Variants in RDX observed in about 807,000 individuals in gnomAD.
RDX encodes radixin.
A neutral mutation model predicts 83.7 loss-of-function variants in RDX; 32 were observed. The observed-to-expected ratio is 0.38, with a 90% CI of 0.29 to 0.51. The LOEUF (loss-of-function observed/expected upper bound fraction) is 0.51. Among genes scored for constraint, RDX ranks in the 20% least tolerant of loss-of-function variants. RDX has a pLI of 0.87. For synonymous variants in RDX, 229 were observed against 222.7 expected (o/e 1.03, Z -0.25); for missense variants, 600 against 689.9 (o/e 0.87, Z 1.46).
intron 3 of RDX, among the ~76,000 whole-genome samples, chr11:110,270,120 G>C (rs1860244334): frequency 6.6e-6 from 1 of 152,112 alleles, no homozygotes; most frequent in Non-Finnish European, 1.5e-5. Context: ...GTGTGCATGT[G>C]TGCGTGTGTG....
intron 14 of RDX, among the ~76,000 whole-genome samples, chr11:110,222,629 T>C (rs1864288600): frequency 6.6e-6 from 1 of 152,178 alleles, no homozygotes. Context: ...ACCTCGTCTC[T>C]ACTAAAAATA....
At chr11:110,236,341 G>A (rs1299896842) in intron 11 of RDX, 150 bp from the exon 12 acceptor site, 1 of 629,904 alleles carries the variant, frequency 1.6e-6, no homozygotes, top group Non-Finnish European at 2.8e-6. Flanking sequence ...ATCTTAAATA[G>A]CTTATTTACA....
At chr11:110,207,613 T>C (rs1863653512) in intron 14 of RDX, among the ~76,000 whole-genome samples, 1 of 151,874 alleles carries the variant, frequency 6.6e-6, no homozygotes, top group Non-Finnish European at 1.5e-5. Flanking sequence ...TAAGAATGTT[T>C]TTTACCTTTT....
intron 15 of RDX, among the ~76,000 whole-genome samples, chr11:110,176,115 TC>T (rs1862769406): frequency 6.6e-6 from 1 of 150,560 alleles, no homozygotes; most frequent in Admixed American, 6.7e-5. Flanking sequence ...AGGCAGAGTC[TC>T]GCTCTGTTGC....
chr11:110,276,611 G>T (rs1012012921), intron 2 of RDX, among the ~76,000 whole-genome samples: 2 of 152,112 alleles, frequency 1.3e-5, no homozygotes, highest in African/African-American at 2.4e-5. Flanking sequence ...CTCTATACAT[G>T]ACTATGGTTT....
At position 110,233,459 on chromosome 11, in the gene RDX, G is replaced by A. The variant is rs201761918; in HGVS notation, c.1365C>T (p.Asp455=). 1.4e-4 allele frequency: 221 copies of A among 1,614,086 alleles called. No individual in the cohort carries two copies. In the East Asian group the frequency reaches 4.8e-3, roughly 35 times the overall value. ...WQHKAFAAQE[D]LEKTKEELKT... ...TTAACTCTTCTTTGGTCTTTTCCAA[G>A]TCTTCCTGGGCTGCAAAAGCCTGAA... Residue 455 remains aspartate (D), a synonymous_variant, in exon 13 of 14, where the codon GAC becomes GAT. Transcript: ENST00000645495.
downstream of RDX, among the ~76,000 whole-genome samples, chr11:110,224,921 G>A (rs1176154624): frequency 2.0e-5 from 3 of 152,022 alleles, no homozygotes; most frequent in Non-Finnish European, 4.4e-5. Flanking sequence ...TTCAAGCAAG[G>A]TTTAGTTATT....
At chr11:110,220,878 TAAAAAAA>T (rs386374875) in intron 14 of RDX, among the ~76,000 whole-genome samples, 10 of 109,316 alleles carry the variant, frequency 9.1e-5, no homozygotes, top group African/African-American at 3.0e-4. Context: ...ACAGCCTCTG[TAAAAAAA>T]AAAAAAAAAA....
intron 8 of RDX, among the ~76,000 whole-genome samples, chr11:110,254,463 T>C (rs1266876488): frequency 6.6e-6 from 1 of 152,120 alleles, no homozygotes; most frequent in African/African-American, 2.4e-5. Flanking sequence ...CTGTAGAGTT[T>C]TTTTTAACCT....
chr11:110,273,903 T>C (rs1360450734), intron 2 of RDX, among the ~76,000 whole-genome samples: 1 of 152,234 alleles, frequency 6.6e-6, no homozygotes, highest in Non-Finnish European at 1.5e-5. Context: ...TTAATACGTA[T>C]TACTGCATTT....
Position 110,195,807 on chromosome 11 carries a change from G to C in RDX, c.*31+3774C>G, listed in dbSNP as rs549698378. 4 of 152,318 alleles carry C rather than the reference G, an allele frequency of 2.6e-5. No homozygotes were observed. The East Asian group carries it at 7.7e-4, about 29-fold the overall frequency. The allele number at this position is 152,318 out of a possible 1,614,324, so 9.4% of individuals were successfully genotyped here. On this transcript the variant is annotated intron_variant, in intron 15 of 15. Coordinates refer to the RDX transcript ENST00000528498. ...ACAAGCTAGTCATGCAGAAAAAAGTGGGTTCTCATAAGCTGATGCCTTCCA... is the reference window on the plus strand; with the variant it reads ...ACAAGCTAGTCATGCAGAAAAAAGTCGGTTCTCATAAGCTGATGCCTTCCA...
rs144069264 is a variant in RDX, at chr11:110,248,633, C to T, written c.960-800G>A. ...AAAAATCAGATTTACCATTTGCATA[C>T]GGGATGAACTCTGACAACAAATTAA... On this transcript the variant is annotated intron_variant, in intron 9 of 13. Transcript: ENST00000645495. Among the ~76,000 whole-genome samples the T allele has an allele frequency of 9.4e-3, 1,427 of 152,100 alleles. 31 individuals carry two copies. Among genetic ancestry groups the T allele is most frequent in the African/African-American group, 0.033 (1,353 of 41,434 alleles).
intron 5 of RDX, among the ~76,000 whole-genome samples, 188 bp from the exon 6 acceptor site, chr11:110,258,377 G>C (rs1418039969): frequency 1.3e-5 from 2 of 152,174 alleles, no homozygotes; most frequent in African/African-American, 4.8e-5. Context: ...GATGTAATCT[G>C]AATAAGGTGG....
intron 5 of RDX, among the ~76,000 whole-genome samples, chr11:110,259,768 T>C (rs1565320196): frequency 6.6e-6 from 1 of 152,164 alleles, no homozygotes; most frequent in Non-Finnish European, 1.5e-5. Context: ...CATAATTATA[T>C]GCCCAATGCC....
At chr11:110,232,127 A>C (rs1864663234) in intron 13 of RDX, 94 bp from the exon 14 acceptor site, 2 of 980,300 alleles carry the variant, frequency 2.0e-6, no homozygotes, top group South Asian at 2.8e-5. Context: ...ACATATACCA[A>C]ATCATTTCCA....
chr11:110,211,030 A>G (rs1417342942), intron 14 of RDX, among the ~76,000 whole-genome samples: 1 of 152,240 alleles, frequency 6.6e-6, no homozygotes, highest in Non-Finnish European at 1.5e-5. Context: ...TGATCCAATT[A>G]AAAGACACAG....
At chr11:110,245,218 C>T (rs1859049421) in intron 10 of RDX, among the ~76,000 whole-genome samples, 1 of 152,180 alleles carries the variant, frequency 6.6e-6, no homozygotes, top group Non-Finnish European at 1.5e-5. Context: ...TCCCAAAGTA[C>T]TGGGATTACA....
chr11:110,267,699 C>T (rs1860114397), intron 3 of RDX, among the ~76,000 whole-genome samples: 1 of 151,714 alleles, frequency 6.6e-6, no homozygotes, highest in Admixed American at 6.6e-5. Context: ...CACAGTGGCT[C>T]ACATCTGTGA....
chr11:110,235,795 TCTAA>T (rs1416738753), intron 12 of RDX, among the ~76,000 whole-genome samples: 1 of 152,218 alleles, frequency 6.6e-6, no homozygotes, highest in African/African-American at 2.4e-5. Flanking sequence ...TTCTTCAGTC[TCTAA>T]CTATTCCCAA....
Sources: allele counts gnomAD v4.1 joint callset (sites outside exome capture counted in the v4.1 genomes callset), GRCh38; gene constraint gnomAD v4.1.1; transcripts MANE v1.5; gene names NCBI Gene and HGNC (gene_info 2026-07-23, HGNC 2026-07-21).